The following COL7A1 variants were observed in gnomAD, a reference collection of about 807,000 sequenced individuals.
The protein encoded by COL7A1 is collagen alpha-1(VII) chain.
COL7A1 carries 296 observed loss-of-function variants against 456.2 expected under a neutral mutation model. The observed-to-expected ratio is 0.65, with a 90% CI of 0.59 to 0.71. COL7A1 has a LOEUF of 0.71. Among genes scored for constraint, COL7A1 ranks in the 30% least tolerant of loss-of-function variants. The probability of loss-of-function intolerance (pLI) is 0.00; values close to 1 mark genes in which losing one functional copy is unlikely to be tolerated. For missense variants in COL7A1, 3,441 were observed against 4,017.2 expected, an observed-to-expected ratio of 0.86 and a Z score of 3.88; for synonymous variants, 1,464 against 1,525.9, an observed-to-expected ratio of 0.96 and a Z score of 0.95.
In COL7A1 at chr3:48,581,743, G is replaced by A; in HGVS notation, c.4685C>T (p.Ala1562Val). ...GACTCCGGTAGCTCCTCTGGGCCCA[G>A]CGGGCCCCACATCTCCCTGGAGGTG... ...PKGEKGDVGP[A>V]GPRGATGVQG... The change falls in exon 49 of 119, where the codon GCT (alanine) becomes GTT (valine). Residue 1562 changes from alanine (A) to valine (V), a missense_variant. By Grantham distance (64) the Ala-to-Val change is moderately conservative (BLOSUM62 0). This residue lies in a region of COL7A1 where 2,084 missense variants were observed against 2,501.3 expected (regional missense o/e 0.83). Coordinates refer to ENST00000681320, the MANE Select transcript of COL7A1 (RefSeq NM_000094.4). This position sits in a 1 kb window ranked among gnomAD's most constrained non-coding sequence, Gnocchi z 5.8. 6.2e-7 allele frequency: 1 copy of A among 1,614,084 alleles called. No homozygotes were observed. The highest frequency in any genetic ancestry group is 1.1e-5 in the South Asian group (1 of 91,082).
chr3:48,594,950 G>A lies in COL7A1; in HGVS notation c.85+125C>T, dbSNP rs2045972678. The A allele has an allele frequency of 1.2e-6, 1 of 812,632 alleles. No individual in the cohort carries two copies. The highest frequency in any genetic ancestry group is 1.7e-5 in the African/African-American group (1 of 59,066). The allele number at this position is 812,632 out of a possible 1,614,324, so 50.3% of individuals were successfully genotyped here. On this transcript the variant is annotated intron_variant, in intron 2 of 118. Coordinates refer to ENST00000681320, the MANE Select transcript of COL7A1 (RefSeq NM_000094.4). The surrounding 1 kb of genome is among the most constrained non-coding windows in gnomAD (Gnocchi z 5.5). ...GGTTCGGGGAGTCCCAGAATTAGGA[G>A]GAATCCGCGGGGCGTCGTGGAGTTG...
In COL7A1 at chr3:48,568,541, G is replaced by A. The variant is rs2107638641; in HGVS notation, c.7759-7C>T. 3.7e-6 allele frequency: 6 copies of A among 1,607,250 alleles called. No individual in the cohort carries two copies. The highest frequency in any genetic ancestry group is 5.1e-6 in the Non-Finnish European group (6 of 1,175,120). On this transcript the variant is annotated splice_region_variant and splice_polypyrimidine_tract_variant and intron_variant, in intron 104 of 118. Coordinates refer to ENST00000681320, the MANE Select transcript of COL7A1 (RefSeq NM_000094.4). The surrounding 1 kb of genome is among the most constrained non-coding windows in gnomAD (Gnocchi z 5.2). ...CTGCTGCACCAGGTTGACCCTGTGA[G>A]AAACACAGATGGGGGAGCCCTTCAG...
chr3:48,583,476 G>C lies in COL7A1; in HGVS notation c.4402-48C>G. ...TTCAGAGATTTGGGTTTGGGCATGA[G>C]GATGGAGCAGTGGTTGATGATTGAG... On this transcript the variant is annotated intron_variant, in intron 41 of 118. Transcript: ENST00000681320. This position sits in a 1 kb window ranked among gnomAD's most constrained non-coding sequence, Gnocchi z 5.1. 1 of 1,614,042 alleles carries C rather than the reference G, an allele frequency of 6.2e-7. No individual in the cohort carries two copies. The highest frequency in any genetic ancestry group is 8.5e-7 in the Non-Finnish European group (1 of 1,179,962).
In COL7A1 at chr3:48,584,328, G is replaced by A. The variant is rs951832325; in HGVS notation, c.4167C>T (p.Gly1389=). 1 of 1,612,654 alleles carries A rather than the reference G, an allele frequency of 6.2e-7. No homozygotes were observed. Among genetic ancestry groups the A allele is most frequent in the South Asian group, 1.1e-5 (1 of 91,018 alleles). The stretch of plus-strand genomic sequence containing the variant: ...TGGCTGTTCCAGGAAGCCCTGGGGG[G>A]CCACGGGGTCCTGGGTCCCCCAGTG... ...RGPLGDPGPR[G]PPGLPGTAMK... Residue 1389 remains glycine (G), a synonymous_variant, in exon 37 of 119, where the codon GGC becomes GGT. Coordinates refer to ENST00000681320, the MANE Select transcript of COL7A1 (RefSeq NM_000094.4).
chr3:48,571,204 G>T lies in COL7A1; in HGVS notation c.7104+39C>A. The stretch of plus-strand genomic sequence containing the variant: ...TCGGATCAAGCTCAGGGAGTCTCAC[G>T]ACCAGGACCCCAGCAGGGACCCTTC... On this transcript the variant is annotated intron_variant, in intron 93 of 118. Coordinates refer to ENST00000681320, the MANE Select transcript of COL7A1 (RefSeq NM_000094.4). The surrounding 1 kb of genome is among the most constrained non-coding windows in gnomAD (Gnocchi z 4.6). 6.2e-7 allele frequency: 1 copy of T among 1,614,040 alleles called. No individual in the cohort carries two copies. Among genetic ancestry groups the T allele is most frequent in the Non-Finnish European group, 8.5e-7 (1 of 1,180,020 alleles).
At position 48,588,748 on chromosome 3, in the gene COL7A1, G is replaced by C; in HGVS notation, c.2481C>G (p.Asp827Glu). The C allele has an allele frequency of 2.5e-6, 4 of 1,613,916 alleles. No homozygotes were observed. The highest frequency in any genetic ancestry group is 3.4e-6 in the Non-Finnish European group (4 of 1,180,044). Residue 827 changes from aspartate to glutamate, a missense_variant, in exon 20 of 119, where the codon GAC becomes GAG. Physicochemically the swap from Asp to Glu is conservative, Grantham distance 45. This residue lies in a region of COL7A1 where 444 missense variants were observed against 427.6 expected (regional missense o/e 1.04). Transcript: ENST00000681320. The surrounding 1 kb of genome is among the most constrained non-coding windows in gnomAD (Gnocchi z 4.6). ...MRHQILPGNT[D>E]SAEIRGLEGG... ...CTTCGAGACCCCGGATCTCTGCAGAGTCTGTGTTTCCTGGGAGTATCTGGT... is the reference window on the plus strand; with the variant it reads ...CTTCGAGACCCCGGATCTCTGCAGACTCTGTGTTTCCTGGGAGTATCTGGT...
At position 48,582,999 on chromosome 3, in the gene COL7A1, G is replaced by T. The variant is rs780488851; in HGVS notation, c.4518+14C>A. 2 of 1,614,080 alleles carry T rather than the reference G, an allele frequency of 1.2e-6. No homozygotes were observed. The highest frequency in any genetic ancestry group is 1.7e-6 in the Non-Finnish European group (2 of 1,179,990). On this transcript the variant is annotated intron_variant, in intron 44 of 118. Coordinates refer to ENST00000681320, the MANE Select transcript of COL7A1 (RefSeq NM_000094.4). ...CAGGTCAGCTGGTATGAGCATTGCAGCCAGTGGGTTTACCCGGGATCCCGC... is the reference window on the plus strand; with the variant it reads ...CAGGTCAGCTGGTATGAGCATTGCATCCAGTGGGTTTACCCGGGATCCCGC...
At chr3:48,582,987 A>G (rs1361527338) in intron 44 of COL7A1, 26 bp downstream of exon 44, 1 of 1,614,024 alleles carries the variant, frequency 6.2e-7, no homozygotes, top group Admixed American at 1.7e-5. Context: ...GTCAGCTGGT[A>G]TGAGCATTGC....
Position 48,565,275 on chromosome 3 carries a change from C to T in COL7A1, c.8528-74G>A, listed in dbSNP as rs1172544011. ...GCAAGGTGGGCAGCACTGATTTCCA[C>T]TGTGTGCACACAGTGCCCATGCGTG... On this transcript the variant is annotated intron_variant, in intron 116 of 118. Transcript: ENST00000681320. This position sits in a 1 kb window ranked among gnomAD's most constrained non-coding sequence, Gnocchi z 4.5. 1 of 1,518,332 alleles carries T rather than the reference C, an allele frequency of 6.6e-7. No individual in the cohort carries two copies. Among genetic ancestry groups the T allele is most frequent in the South Asian group, 1.2e-5 (1 of 86,672 alleles). The allele number at this position is 1,518,332 out of a possible 1,614,324, so 94.1% of individuals were successfully genotyped here.
At position 48,580,820 on chromosome 3, in the gene COL7A1, T is replaced by C; in HGVS notation, c.4980+62A>G. 2.5e-6 allele frequency: 4 copies of C among 1,607,596 alleles called. No individual in the cohort carries two copies. Among genetic ancestry groups the C allele is most frequent in the Non-Finnish European group, 3.4e-6 (4 of 1,174,312 alleles). On this transcript the variant is annotated intron_variant, in intron 54 of 118. Coordinates refer to ENST00000681320, the MANE Select transcript of COL7A1 (RefSeq NM_000094.4). The surrounding 1 kb of genome is among the most constrained non-coding windows in gnomAD (Gnocchi z 4.5). ...CCATCACCCCTTACCCCCCTCAGCC[T>C]TTCCTATCACCTTCATGCCCACCTC...
At position 48,578,502 on chromosome 3, in the gene COL7A1, AG is replaced by A; in HGVS notation, c.5437del (p.Leu1813SerfsTer28). On this transcript the variant is annotated frameshift_variant, in exon 64 of 119. Coordinates refer to ENST00000681320, the MANE Select transcript of COL7A1 (RefSeq NM_000094.4). LOFTEE classifies it high-confidence loss of function. The surrounding 1 kb of genome is among the most constrained non-coding windows in gnomAD (Gnocchi z 4.7). ...GCCAGGGAGGCCCTGTTCTCCACGGAGGCCTGGAAGCCCCTGGAAAAAGTCT... is the reference window on the plus strand; with the variant it reads ...GCCAGGGAGGCCCTGTTCTCCACGGAGCCTGGAAGCCCCTGGAAAAAGTCT... ...GDPGRDGLPG[L>X]RGEQGLPGPS... is the part of the protein sequence containing the mutation. The A allele has an allele frequency of 6.2e-7, 1 of 1,612,286 alleles. No homozygotes were observed. Among genetic ancestry groups the A allele is most frequent in the Non-Finnish European group, 8.5e-7 (1 of 1,179,940 alleles).
At position 48,586,602 on chromosome 3, in the gene COL7A1, G is replaced by C; in HGVS notation, c.3364C>G (p.Arg1122Gly). Residue 1122 changes from arginine (R) to glycine (G), a missense_variant, in exon 26 of 119, where the codon CGT becomes GGT. By Grantham distance (125) the Arg-to-Gly change is moderately radical. This residue lies in a region of COL7A1 where 444 missense variants were observed against 427.6 expected (regional missense o/e 1.04). Coordinates refer to ENST00000681320, the MANE Select transcript of COL7A1 (RefSeq NM_000094.4). The surrounding 1 kb of genome is among the most constrained non-coding windows in gnomAD (Gnocchi z 5.1). ...HDLGIILQRI[R>G]DMPYMDPSGN... The stretch of plus-strand genomic sequence containing the variant: ...CTTGGGTCCATGTAGGGCATGTCAC[G>C]GATCCTTTGCAAGATAATGCCAAGG... 1 of 1,613,752 alleles carries C rather than the reference G, an allele frequency of 6.2e-7. No individual in the cohort carries two copies. Among genetic ancestry groups the C allele is most frequent in the Non-Finnish European group, 8.5e-7 (1 of 1,180,026 alleles).
rs770180997 is a variant in COL7A1, at chr3:48,570,276, C to T, written c.7439G>A (p.Arg2480Gln). 36 of 1,613,598 alleles carry T rather than the reference C, an allele frequency of 2.2e-5. No individual in the cohort carries two copies. The highest frequency in any genetic ancestry group is 1.6e-4 in the Middle Eastern group (1 of 6,082). The part of the protein sequence containing the change: ...PRGERGEPGI[R>Q]GEDGRPGQEG... The stretch of plus-strand genomic sequence containing the variant: ...GGCTGTGGAGTAAGACATACGTACC[C>T]GGATGCCTGGCTCCCCACGCTCGCC... The change falls in exon 98 of 119, where the codon CGG (arginine) becomes CAG (glutamine). Residue 2480 changes from arginine (R) to glutamine (Q), a missense_variant and splice_region_variant. Arg to Gln is a conservative substitution (Grantham distance 43). Transcript: ENST00000681320. The surrounding 1 kb of genome is among the most constrained non-coding windows in gnomAD (Gnocchi z 5.5).
In COL7A1 at chr3:48,568,427, AC is replaced by A; in HGVS notation, c.7794+71del. The A allele has an allele frequency of 6.8e-7, 1 of 1,464,310 alleles. No individual in the cohort carries two copies. Among genetic ancestry groups the A allele is most frequent in the South Asian group, 1.2e-5 (1 of 82,404 alleles). 90.7% of individuals were successfully genotyped at this position (1,464,310 alleles called of 1,614,324 possible). ...TCACTATAAGGTCAAAAGCTACCAC[AC>A]TGGTGGGACCACCATGGTGACGGGG... On this transcript the variant is annotated intron_variant, in intron 105 of 118. Coordinates refer to ENST00000681320, the MANE Select transcript of COL7A1 (RefSeq NM_000094.4). This position sits in a 1 kb window ranked among gnomAD's most constrained non-coding sequence, Gnocchi z 5.2.
chr3:48,570,850 CA>C lies in COL7A1; in HGVS notation c.7272+10del. The C allele has an allele frequency of 6.2e-7, 1 of 1,604,184 alleles. No homozygotes were observed. The highest frequency in any genetic ancestry group is 8.5e-7 in the Non-Finnish European group (1 of 1,175,704). ...TCACCATGCCCCTACATGCTGTTCC[CA>C]GCCCCTCACCCGCTCTCCACTAGGG... is the stretch of plus-strand genomic sequence containing the variant. On this transcript the variant is annotated intron_variant, in intron 95 of 118. Coordinates refer to ENST00000681320, the MANE Select transcript of COL7A1 (RefSeq NM_000094.4). The surrounding 1 kb of genome is among the most constrained non-coding windows in gnomAD (Gnocchi z 5.5).
intron 16 of COL7A1, 31 bp from the exon 17 acceptor site, chr3:48,589,749 G>A: frequency 6.2e-7 from 1 of 1,613,806 alleles, no homozygotes; most frequent in Non-Finnish European, 8.5e-7. Context: ...GGAGTCTGCT[G>A]GAACAGGCAG....
Position 48,568,912 on chromosome 3 carries a change from G to A in COL7A1, c.7687-57C>T. 6.6e-7 allele frequency: 1 copy of A among 1,509,222 alleles called. No homozygotes were observed. The highest frequency in any genetic ancestry group is 1.2e-5 in the South Asian group (1 of 83,360). The allele number at this position is 1,509,222 out of a possible 1,614,324, so 93.5% of individuals were successfully genotyped here. A position where few individuals can be genotyped will look rare whatever the true frequency, so the allele number is the denominator to read the frequency against. ...AGGACCAGATCAGGCTGGGGGCTTA[G>A]AATACAACGAGCCCGCCAGCTGGGG... On this transcript the variant is annotated intron_variant, in intron 103 of 118. Coordinates refer to ENST00000681320, the MANE Select transcript of COL7A1 (RefSeq NM_000094.4). This position sits in a 1 kb window ranked among gnomAD's most constrained non-coding sequence, Gnocchi z 5.2.
chr3:48,592,588 T>A lies in COL7A1; in HGVS notation c.958A>T (p.Ser320Cys). The A allele has an allele frequency of 6.2e-7, 1 of 1,614,028 alleles. No homozygotes were observed. Among genetic ancestry groups the A allele is most frequent in the Non-Finnish European group, 8.5e-7 (1 of 1,180,036 alleles). ...TGCTCACTGGTCCGAGCTGTCCCGC[T>A]CACAGCCTCCCCGATGCTGTTGGCG... ...LYANSIGEAV[S>C]GTARTTALEG... The change falls in exon 8 of 119, where the codon AGC (serine) becomes TGC (cysteine). Residue 320 changes from serine (S) to cysteine (C), a missense_variant. Ser to Cys is a moderately radical substitution (Grantham distance 112). Transcript: ENST00000681320. This position sits in a 1 kb window ranked among gnomAD's most constrained non-coding sequence, Gnocchi z 7.6.
At position 48,592,953 on chromosome 3, in the gene COL7A1, T is replaced by A; in HGVS notation, c.683-15A>T. The A allele has an allele frequency of 6.2e-7, 1 of 1,613,318 alleles. No individual in the cohort carries two copies. The highest frequency in any genetic ancestry group is 1.1e-5 in the South Asian group (1 of 91,050). On this transcript the variant is annotated splice_polypyrimidine_tract_variant and intron_variant, in intron 6 of 118. Coordinates refer to ENST00000681320, the MANE Select transcript of COL7A1 (RefSeq NM_000094.4). This position sits in a 1 kb window ranked among gnomAD's most constrained non-coding sequence, Gnocchi z 7.6. ...CGAGTCATCCGCTGGGAATGCGGGA[T>A]CAGGGGATCAGGCAGGAGGATTGGG...
Sources: allele counts gnomAD v4.1 joint callset, GRCh38; gene constraint gnomAD v4.1.1; regional missense constraint gnomAD v4.1.1; non-coding constraint Gnocchi (gnomAD v3.1); transcripts MANE v1.5; gene names NCBI Gene and HGNC (gene_info 2026-07-23, HGNC 2026-07-21).